The following CST7 variants were observed in gnomAD, a reference collection of about 807,000 sequenced individuals.
The protein encoded by CST7 is cystatin-F.
A neutral mutation model predicts 13.1 loss-of-function variants in CST7; 15 were observed. That is an observed-to-expected ratio of 1.14 (90% CI 0.77 to 1.76). The LOEUF (loss-of-function observed/expected upper bound fraction) is 1.76. Ranked by LOEUF, CST7 falls within the 40% of genes most tolerant of loss-of-function variation. CST7 has a pLI of 0.00. For missense variants in CST7, 193 were observed against 178.8 expected (o/e 1.08, Z -0.45); for synonymous variants, 75 against 66.9 (o/e 1.12, Z -0.59).
chr20:24,959,701 C>G lies in CST7; in HGVS notation c.427C>G (p.Arg143Gly). 1 of 1,614,040 alleles carries G rather than the reference C, an allele frequency of 6.2e-7. No homozygotes were observed. The highest frequency in any genetic ancestry group is 8.5e-7 in the Non-Finnish European group (1 of 1,180,004). The change falls in exon 4 of 4, where the codon CGT (arginine) becomes GGT (glycine). Residue 143 changes from arginine to glycine, a missense_variant. Arg to Gly is a moderately radical substitution (Grantham distance 125). Coordinates refer to ENST00000480798, the MANE Select transcript of CST7 (RefSeq NM_003650.4). ...CCAGCACTTCGAGGTGCCTGTTCTC[C>G]GTTGTCACTGACCCCCGCCTCTTCA... The part of the protein sequence containing the change: ...WLQHFEVPVL[R>G]CH
At chr20:24,954,381 G>A (rs111564063) in intron 1 of CST7, among the ~76,000 whole-genome samples, 1,709 of 152,260 alleles carry the variant, frequency 0.011, 21 homozygotes, top group Non-Finnish European at 0.019. Flanking sequence ...CCCCCTCCCT[G>A]GGGGGTCCTC....
At chr20:24,956,744 T>C (rs1220680003) in intron 1 of CST7, among the ~76,000 whole-genome samples, 2 of 151,534 alleles carry the variant, frequency 1.3e-5, no homozygotes, top group African/African-American at 4.9e-5. Flanking sequence ...GACGGCGCCA[T>C]CTCCTTCCGG....
At chr20:24,957,698 C>G (rs2087868397) in intron 2 of CST7, among the ~76,000 whole-genome samples, 1 of 152,256 alleles carries the variant, frequency 6.6e-6, no homozygotes, top group East Asian at 1.9e-4. Context: ...TACCAGGCCC[C>G]TGGCCCAGAG....
chr20:24,951,013 A>G (rs969111812), intron 1 of CST7, among the ~76,000 whole-genome samples: 23 of 152,178 alleles, frequency 1.5e-4, no homozygotes, highest in African/African-American at 5.3e-4. Context: ...CATCTCACGG[A>G]GCAGGCTAGG....
At chr20:24,958,762 G>T (rs2087875127) in intron 2 of CST7, among the ~76,000 whole-genome samples, 166 bp from the exon 3 acceptor site, 1 of 152,108 alleles carries the variant, frequency 6.6e-6, no homozygotes, top group African/African-American at 2.4e-5. Context: ...GAGTGGGAGG[G>T]GTCTGCAGGC....
At position 24,958,634 on chromosome 20, in the gene CST7, G is replaced by A. The variant is rs187199244; in HGVS notation, c.244-294G>A. 2.2e-4 allele frequency among the ~76,000 whole-genome samples: 34 copies of A among 152,240 alleles called. No individual in the cohort carries two copies. In the East Asian group the frequency reaches 4.1e-3, roughly 18 times the overall value. On this transcript the variant is annotated intron_variant, in intron 2 of 3. Coordinates refer to ENST00000480798, the MANE Select transcript of CST7 (RefSeq NM_003650.4). ...GGGGCTGGAGTGAGGGCTGCAGGGCGGGCCCAGCAGGGCATGCAGGAGACC... is the reference window on the plus strand; with the variant it reads ...GGGGCTGGAGTGAGGGCTGCAGGGCAGGCCCAGCAGGGCATGCAGGAGACC...
At chr20:24,951,560 G>GC (rs1327211922) in intron 1 of CST7, among the ~76,000 whole-genome samples, 1 of 152,158 alleles carries the variant, frequency 6.6e-6, no homozygotes, top group African/African-American at 2.4e-5. Context: ...CATGCGTCCT[G>GC]CCCCCACTCC....
intron 1 of CST7, among the ~76,000 whole-genome samples, chr20:24,956,159 C>T (rs1402425246): frequency 2.0e-5 from 3 of 152,300 alleles, no homozygotes; most frequent in East Asian, 1.9e-4. Flanking sequence ...GGGGGTGCCA[C>T]GTGGTGACCA....
chr20:24,956,602 T>A (rs1172435084), intron 1 of CST7, among the ~76,000 whole-genome samples: 14 of 151,388 alleles, frequency 9.2e-5, no homozygotes, highest in Admixed American at 9.2e-4. Flanking sequence ...CTCATAGGAG[T>A]GAAAAAGACT....
At chr20:24,950,947 C>A (rs1016374404) in intron 1 of CST7, among the ~76,000 whole-genome samples, 1 of 152,170 alleles carries the variant, frequency 6.6e-6, no homozygotes, top group African/African-American at 2.4e-5. Context: ...GCTGTCCTAG[C>A]GTGTCCTGGG....
At position 24,949,400 on chromosome 20, in the gene CST7, A is replaced by AGGCTCGGCAC; in HGVS notation, c.-103_-94dup. On this transcript the variant is annotated 5_prime_UTR_variant, in exon 1 of 4. An upstream open reading frame in the 5' UTR loses its in-frame stop. Coordinates refer to ENST00000480798, the MANE Select transcript of CST7 (RefSeq NM_003650.4). ...CCTGCCCTGCGCCATCTACCCAAGA[A>AGGCTCGGCAC]GGCTCGGCACGGGCACCAACCACTG... 6.2e-7 allele frequency: 1 copy of AGGCTCGGCAC among 1,602,584 alleles called. No individual in the cohort carries two copies. Among genetic ancestry groups the AGGCTCGGCAC allele is most frequent in the Non-Finnish European group, 8.5e-7 (1 of 1,173,532 alleles).
intron 1 of CST7, among the ~76,000 whole-genome samples, chr20:24,951,272 G>A (rs2087816900): frequency 6.6e-6 from 1 of 152,180 alleles, no homozygotes; most frequent in African/African-American, 2.4e-5. Flanking sequence ...CCCCGTCTCC[G>A]GCCCTGGGGA....
At chr20:24,956,382 T>G (rs149555336) in intron 1 of CST7, among the ~76,000 whole-genome samples, 3 of 152,144 alleles carry the variant, frequency 2.0e-5, no homozygotes, top group Non-Finnish European at 4.4e-5. Flanking sequence ...CACCCTGCCC[T>G]CAACACCCTG....
chr20:24,953,021 A>T (rs1367811092), intron 1 of CST7, among the ~76,000 whole-genome samples: 2 of 152,194 alleles, frequency 1.3e-5, no homozygotes, highest in African/African-American at 4.8e-5. Context: ...TGCTCTGAGG[A>T]CAGGAACGTA....
chr20:24,958,053 C>T (rs1321851527), intron 2 of CST7, among the ~76,000 whole-genome samples: 7 of 152,194 alleles, frequency 4.6e-5, no homozygotes, highest in Non-Finnish European at 7.3e-5. Flanking sequence ...GTGGATGACA[C>T]CCACCACCGT....
chr20:24,959,101 C>A, intron 3 of CST7, 57 bp downstream of exon 3: 1 of 1,361,460 alleles, frequency 7.3e-7, no homozygotes, highest in Non-Finnish European at 1.0e-6. Flanking sequence ...CCACTCCCTC[C>A]CAGGACTGTG....
chr20:24,950,713 C>G (rs2087813853), intron 1 of CST7, among the ~76,000 whole-genome samples: 1 of 152,128 alleles, frequency 6.6e-6, no homozygotes, highest in South Asian at 2.1e-4. Flanking sequence ...TGGGAGCCTT[C>G]TTAGCTCACG....
At position 24,949,536 on chromosome 20, in the gene CST7, T is replaced by C. The variant is rs761066395; in HGVS notation, c.31T>C (p.Cys11Arg). The C allele has an allele frequency of 6.2e-7, 1 of 1,614,150 alleles. No individual in the cohort carries two copies. The highest frequency in any genetic ancestry group is 1.1e-5 in the South Asian group (1 of 91,084). The stretch of plus-strand genomic sequence containing the variant: ...AGCGGCTGGAACTCTGCTGGCCTTC[T>C]GCTGCCTGGTCTTGAGCACCACTGG... MRAAGTLLAF[C>R]CLVLSTTGGP... Residue 11 changes from cysteine to arginine, a missense_variant, in exon 1 of 4, where the codon TGC becomes CGC. Transcript: ENST00000480798.
chr20:24,952,034 G>A (rs569277355), intron 1 of CST7, among the ~76,000 whole-genome samples: 1 of 152,322 alleles, frequency 6.6e-6, no homozygotes, highest in East Asian at 1.9e-4. Context: ...GGGACCTCCT[G>A]CCTCCTGGGG....
Sources: gnomAD v4.1 joint callset for allele counts (sites outside exome capture counted in the v4.1 genomes callset) on GRCh38, gnomAD v4.1.1 for gene constraint, MANE v1.5 for transcripts, NCBI Gene and HGNC (gene_info 2026-07-23, HGNC 2026-07-21) for gene names.